RBFOX3: variants seen among roughly 807,000 people sequenced by gnomAD.
RBFOX3 encodes RNA binding protein fox-1 homolog 3.
A neutral mutation model predicts 48.7 loss-of-function variants in RBFOX3; 17 were observed. The ratio of observed to expected loss-of-function variants is 0.35; its 90% CI spans 0.24 to 0.52. The LOEUF (loss-of-function observed/expected upper bound fraction) is 0.52. Ranked by LOEUF, RBFOX3 falls within the 20% of genes least tolerant of loss-of-function variation. The pLI is 0.94. For synonymous variants in RBFOX3, 212 were observed against 209.5 expected (o/e 1.01, Z -0.10); for missense variants, 382 against 497.5 (o/e 0.77, Z 2.21).
At chr17:79,150,514 C>G (rs1211095670) in intron 4 of RBFOX3, among the ~76,000 whole-genome samples, 1 of 152,168 alleles carries the variant, frequency 6.6e-6, no homozygotes, top group Non-Finnish European at 1.5e-5. Flanking sequence ...TAGGAGGCAG[C>G]TGAACTGCCG....
intron 1 of RBFOX3, among the ~76,000 whole-genome samples, chr17:79,538,553 G>C (rs2089213421): frequency 6.6e-6 from 1 of 152,256 alleles, no homozygotes; most frequent in Non-Finnish European, 1.5e-5. Context: ...GGCACAGTAA[G>C]AGCAGGACAG....
intron 4 of RBFOX3, among the ~76,000 whole-genome samples, chr17:79,228,751 T>A (rs2060631935): frequency 6.6e-6 from 1 of 152,142 alleles, no homozygotes; most frequent in Admixed American, 6.5e-5. Context: ...GTCAACATTC[T>A]GGGGCATTGC....
chr17:79,385,385 C>T (rs2060430171), intron 2 of RBFOX3, among the ~76,000 whole-genome samples: 1 of 152,154 alleles, frequency 6.6e-6, no homozygotes, highest in South Asian at 2.1e-4. Flanking sequence ...TCAACTTTGC[C>T]AAGAAGCTCA....
At chr17:79,368,468 T>C (rs537205747) in intron 2 of RBFOX3, among the ~76,000 whole-genome samples, 33 of 152,386 alleles carry the variant, frequency 2.2e-4, no homozygotes, top group African/African-American at 7.2e-4. Flanking sequence ...CATTTGCAGA[T>C]GGACAAAAAT....
At chr17:79,626,712 C>A in the RBFOX3 span, among the ~76,000 whole-genome samples, 1 of 152,258 alleles carries the variant, frequency 6.6e-6, no homozygotes, top group South Asian at 2.1e-4. Context: ...GGCATCCCCC[C>A]ATCTCTACCG....
chr17:79,404,260 G>A (rs1315398893), intron 2 of RBFOX3, among the ~76,000 whole-genome samples: 1 of 152,236 alleles, frequency 6.6e-6, no homozygotes, highest in Non-Finnish European at 1.5e-5. Flanking sequence ...CAGGGCCACA[G>A]CGGTGGGAGC....
chr17:79,296,712 T>G (rs1327204661), intron 3 of RBFOX3, among the ~76,000 whole-genome samples: 1 of 139,828 alleles, frequency 7.2e-6, no homozygotes, highest in Non-Finnish European at 1.5e-5. Context: ...CCTTTTTTCC[T>G]CTTTCTCCTC....
intron 4 of RBFOX3, among the ~76,000 whole-genome samples, chr17:79,182,293 G>A (rs1411133320): frequency 2.0e-5 from 3 of 152,182 alleles, no homozygotes; most frequent in Non-Finnish European, 4.4e-5. Flanking sequence ...GAGGGTGAGG[G>A]TGGGAACCGA....
chr17:79,468,603 G>A (rs2076623050), intron 2 of RBFOX3, among the ~76,000 whole-genome samples: 3 of 150,552 alleles, frequency 2.0e-5, no homozygotes, highest in African/African-American at 4.9e-5. Flanking sequence ...TGGATGGATG[G>A]ATAGATAGAT....
the RBFOX3 span, among the ~76,000 whole-genome samples, chr17:79,624,017 C>T: frequency 6.6e-6 from 1 of 152,086 alleles, no homozygotes; most frequent in East Asian, 1.9e-4. Context: ...GGAAACAGAC[C>T]GCACCTTTGA....
At chr17:79,581,458 G>C (rs2093056672) in intron 1 of RBFOX3, among the ~76,000 whole-genome samples, 1 of 152,250 alleles carries the variant, frequency 6.6e-6, no homozygotes, top group Non-Finnish European at 1.5e-5. Context: ...AGGCAGGAAA[G>C]AAGATGGAAT....
chr17:79,164,608 G>A (rs1376683482), intron 4 of RBFOX3, among the ~76,000 whole-genome samples: 2 of 152,196 alleles, frequency 1.3e-5, no homozygotes, highest in Admixed American at 6.5e-5. Flanking sequence ...CGTCAGGTGC[G>A]GCCACAGCAC....
rs534784134 is a variant in RBFOX3, at chr17:79,299,094, C to T, written c.-74+8630G>A. 2.1e-4 allele frequency among the ~76,000 whole-genome samples: 31 copies of T among 150,614 alleles called. No individual in the cohort carries two copies. The East Asian group carries it at 3.4e-3, about 16-fold the overall frequency. ...GCAGATGCGGCTGGCCTCGGAAATA[C>T]GGGAGGGACATGGGAAATGAACTAA... On this transcript the variant is annotated intron_variant, in intron 3 of 14. Transcript: ENST00000693108. This position sits in a 1 kb window ranked among gnomAD's most constrained non-coding sequence, Gnocchi z 4.5.
intron 2 of RBFOX3, among the ~76,000 whole-genome samples, chr17:79,403,673 C>T (rs1032591499): frequency 6.6e-6 from 1 of 152,192 alleles, no homozygotes. Flanking sequence ...TTCCCTGTCC[C>T]CCAGTACACT....
rs1251136527 is a variant in RBFOX3, at chr17:79,506,552, C to T, written c.-319-23954G>A. 1.2e-4 allele frequency among the ~76,000 whole-genome samples: 18 copies of T among 152,320 alleles called. No homozygotes were observed. The South Asian group carries it at 3.1e-3, about 26-fold the overall frequency. ...GGCCCCCTACCTTCCTGCAGCACTG[C>T]CCCGGGCCACAGAGCCTCTCAGGCC... is the stretch of plus-strand genomic sequence containing the variant. On this transcript the variant is annotated intron_variant, in intron 1 of 14. Transcript: ENST00000693108.
chr17:79,233,195 C>T (rs1162927594), intron 4 of RBFOX3, among the ~76,000 whole-genome samples: 1 of 152,176 alleles, frequency 6.6e-6, no homozygotes, highest in Non-Finnish European at 1.5e-5. Context: ...TATCTATGTC[C>T]AACATCACAG....
At chr17:79,318,926 T>C (rs1008575559) in intron 2 of RBFOX3, among the ~76,000 whole-genome samples, 6 of 138,858 alleles carry the variant, frequency 4.3e-5, no homozygotes, top group Non-Finnish European at 9.1e-5. Flanking sequence ...TAATGTTAAA[T>C]GATGAGTTAC....
intron 3 of RBFOX3, among the ~76,000 whole-genome samples, chr17:79,266,474 G>A (rs576986224): frequency 6.6e-6 from 1 of 152,320 alleles, no homozygotes; most frequent in East Asian, 1.9e-4. Flanking sequence ...GGAATTGTTT[G>A]CTAAGTTTCT....
At chr17:79,148,499 C>A (rs949663939) in intron 4 of RBFOX3, among the ~76,000 whole-genome samples, 1 of 151,088 alleles carries the variant, frequency 6.6e-6, no homozygotes, top group Non-Finnish European at 1.5e-5. Flanking sequence ...GCACCCCACA[C>A]CCCCCCAGAC....
Sources: gnomAD v4.1 joint callset for allele counts (sites outside exome capture counted in the v4.1 genomes callset) on GRCh38, gnomAD v4.1.1 for gene constraint, Gnocchi (gnomAD v3.1) non-coding constraint, MANE v1.5 for transcripts, NCBI Gene and HGNC (gene_info 2026-07-23, HGNC 2026-07-21) for gene names.